The following SORCS1 variants were observed in gnomAD, a reference collection of about 807,000 sequenced individuals.
The protein encoded by SORCS1 is sortilin related VPS10 domain containing receptor 1, also known as VPS10 domain-containing receptor SorCS1.
SORCS1 carries 60 observed loss-of-function variants against 146.1 expected under a neutral mutation model. The observed-to-expected ratio is 0.41, with a 90% CI of 0.33 to 0.51. The LOEUF (loss-of-function observed/expected upper bound fraction) is 0.51, where lower values mean the gene tolerates loss of function less well. Among genes scored for constraint, SORCS1 ranks in the 20% least tolerant of loss-of-function variants. SORCS1 has a pLI of 0.21. For missense variants in SORCS1, 1,352 were observed against 1,487.6 expected, an observed-to-expected ratio of 0.91 and a Z score of 1.50; for synonymous variants, 637 against 584.0, an observed-to-expected ratio of 1.09 and a Z score of -1.31.
intron 1 of SORCS1, among the ~76,000 whole-genome samples, chr10:106,978,773 G>C (rs1033355622): frequency 1.3e-5 from 2 of 151,142 alleles, no homozygotes; most frequent in African/African-American, 2.4e-5. Flanking sequence ...ACTCCAGCCT[G>C]GGCGACAGAA....
intron 2 of SORCS1, among the ~76,000 whole-genome samples, chr10:106,864,461 C>A (rs1383808245): frequency 1.3e-5 from 2 of 152,150 alleles, no homozygotes; most frequent in Non-Finnish European, 2.9e-5. Flanking sequence ...GGGGGCTTAG[C>A]AGAGCAGCCA....
At position 106,724,171 on chromosome 10, in the gene SORCS1, C is replaced by A. The variant is rs577064666; in HGVS notation, c.1024+5879G>T. On this transcript the variant is annotated intron_variant, in intron 6 of 25. Transcript: ENST00000263054. ...AATACTACTCGAGTTAATTTCCAAC[C>A]CTTACAATTGAAAGTAATCTTGTAA... 3.0e-4 allele frequency among the ~76,000 whole-genome samples: 45 copies of A among 152,156 alleles called. 1 individual carries two copies. In the South Asian group the frequency reaches 8.9e-3, roughly 30 times the overall value.
At chr10:107,105,496 C>T (rs1275641631) in intron 1 of SORCS1, among the ~76,000 whole-genome samples, 3 of 152,204 alleles carry the variant, frequency 2.0e-5, no homozygotes, top group Non-Finnish European at 4.4e-5. Context: ...GAGAAGCCGA[C>T]AGTGCAGCCT....
intron 24 of SORCS1, among the ~76,000 whole-genome samples, chr10:106,591,527 A>C (rs1158322401): frequency 1.3e-5 from 2 of 152,222 alleles, no homozygotes; most frequent in Admixed American, 1.3e-4. Flanking sequence ...TTTTGAATAT[A>C]TCTCTGCAGG....
intron 4 of SORCS1, among the ~76,000 whole-genome samples, chr10:106,768,132 G>A (rs562763876): frequency 9.9e-5 from 15 of 152,254 alleles, no homozygotes; most frequent in East Asian, 7.7e-4. Flanking sequence ...TTGAGAATTC[G>A]TTTTATAAAC....
At chr10:106,932,693 G>A (rs773608965) in intron 2 of SORCS1, among the ~76,000 whole-genome samples, 13 of 152,184 alleles carry the variant, frequency 8.5e-5, no homozygotes, top group Non-Finnish European at 1.8e-4. Flanking sequence ...TGCAAAATGA[G>A]CTTGTCTGCT....
intron 2 of SORCS1, among the ~76,000 whole-genome samples, chr10:106,944,874 C>CTGTTTTTTTTTTTTTTTTTTT (rs1954241512): frequency 2.7e-5 from 1 of 36,576 alleles, no homozygotes; most frequent in Non-Finnish European, 5.0e-5. Context: ...AAAGAGCCTT[C>CTGTTTTTTTTTTTTTTTTTTT]TTTTTTTTTT....
chr10:107,102,138 C>T (rs560631937), intron 1 of SORCS1, among the ~76,000 whole-genome samples: 9 of 152,274 alleles, frequency 5.9e-5, no homozygotes, highest in Admixed American at 2.6e-4. Context: ...GTATTTGTTA[C>T]ATCAATAAGT....
At chr10:106,967,104 C>T (rs1370704465) in intron 1 of SORCS1, among the ~76,000 whole-genome samples, 1 of 102,116 alleles carries the variant, frequency 9.8e-6, no homozygotes, top group African/African-American at 3.8e-5. Context: ...TTCAGAGATG[C>T]TATCCACTCA....
At chr10:106,803,090 T>C (rs1589918150) in intron 3 of SORCS1, among the ~76,000 whole-genome samples, 1 of 152,156 alleles carries the variant, frequency 6.6e-6, no homozygotes, top group Admixed American at 6.5e-5. Context: ...ATGGCCTCAA[T>C]AGTCTGTAAC....
chr10:107,164,670 C>T lies in SORCS1; in HGVS notation c.-144G>A. On this transcript the variant is annotated 5_prime_UTR_variant, in exon 1 of 26. Transcript: ENST00000263054. This position sits in a 1 kb window ranked among gnomAD's most constrained non-coding sequence, Gnocchi z 6.8. ...CGGTGGGGGCGGGCGGAGGCGGCGC[C>T]GGGCAGGTGGCGGCCGCTTGCCCGG... 3 of 625,360 alleles carry T rather than the reference C, an allele frequency of 4.8e-6. No individual in the cohort carries two copies. The highest frequency in any genetic ancestry group is 6.9e-6 in the Non-Finnish European group (3 of 434,102). 38.7% of individuals were successfully genotyped at this position (625,360 alleles called of 1,614,324 possible). A position where few individuals can be genotyped will look rare whatever the true frequency, so the allele number is the denominator to read the frequency against.
chr10:107,057,239 A>C (rs189608451), intron 1 of SORCS1, among the ~76,000 whole-genome samples: 3 of 148,188 alleles, frequency 2.0e-5, no homozygotes, highest in South Asian at 2.1e-4. Flanking sequence ...AATTATTCAT[A>C]AAATGAGTTT....
At chr10:106,782,305 G>A (rs972210509) in intron 3 of SORCS1, among the ~76,000 whole-genome samples, 7 of 152,118 alleles carry the variant, frequency 4.6e-5, no homozygotes, top group South Asian at 2.1e-4. Context: ...TTGCTCTGTC[G>A]CCCCGGCTGG....
intron 2 of SORCS1, among the ~76,000 whole-genome samples, chr10:106,936,259 C>A (rs1203828726): frequency 1.3e-5 from 2 of 152,162 alleles, no homozygotes; most frequent in Non-Finnish European, 2.9e-5. Flanking sequence ...ATCTCATGGG[C>A]ACTCAGTTGC....
intron 6 of SORCS1, among the ~76,000 whole-genome samples, chr10:106,716,972 A>C (rs1237566799): frequency 2.6e-5 from 4 of 152,176 alleles, no homozygotes; most frequent in Admixed American, 2.0e-4. Context: ...AATATATTAC[A>C]GGTCTCTGGG....
Position 106,597,336 on chromosome 10 carries a change from G to A in SORCS1, c.3265+15C>T, listed in dbSNP as rs767926642. 17 of 1,611,294 alleles carry A rather than the reference G, an allele frequency of 1.1e-5. No homozygotes were observed. The Middle Eastern group carries it at 9.9e-4, about 94-fold the overall frequency. On this transcript the variant is annotated intron_variant, in intron 24 of 25. Transcript: ENST00000263054. ...CCAGAGCCACCAGCCAGAACCCCGG[G>A]ACATGGACACTGACCCGCTGTTAAG...
chr10:107,162,604 G>A (rs1421590760), intron 1 of SORCS1, among the ~76,000 whole-genome samples: 2 of 152,098 alleles, frequency 1.3e-5, no homozygotes, highest in Admixed American at 6.5e-5. Flanking sequence ...ACTACTCTCA[G>A]GACAGATACA....
chr10:106,850,420 G>A (rs915664147), intron 2 of SORCS1, among the ~76,000 whole-genome samples: 2 of 152,152 alleles, frequency 1.3e-5, no homozygotes, highest in East Asian at 1.9e-4. Context: ...TCCCAGGTGA[G>A]GCAATGCCTC....
At chr10:106,726,005 G>A (rs1048818668) in intron 6 of SORCS1, among the ~76,000 whole-genome samples, 14 of 151,472 alleles carry the variant, frequency 9.2e-5, no homozygotes, top group Admixed American at 3.3e-4. Flanking sequence ...TGCAGCTGAT[G>A]AGACTGTAAC....
Sources: allele counts gnomAD v4.1 joint callset (sites outside exome capture counted in the v4.1 genomes callset), GRCh38; gene constraint gnomAD v4.1.1; non-coding constraint Gnocchi (gnomAD v3.1); transcripts MANE v1.5; gene names NCBI Gene and HGNC (gene_info 2026-07-23, HGNC 2026-07-21).